ELAPOR1: variants seen among roughly 807,000 people sequenced by gnomAD.
The protein encoded by ELAPOR1 is endosome-lysosome associated apoptosis and autophagy regulator 1.
Under a neutral mutation model 119.7 loss-of-function variants are expected in ELAPOR1, and 77 were observed. The observed-to-expected ratio is 0.64, with a 90% CI of 0.54 to 0.78. The LOEUF (loss-of-function observed/expected upper bound fraction) is 0.78, where lower values mean the gene tolerates loss of function less well. Ranked by LOEUF, ELAPOR1 falls within the 30% of genes least tolerant of loss-of-function variation. The pLI, the probability that ELAPOR1 is intolerant of heterozygous loss-of-function variation, is 0.00. For missense variants in ELAPOR1, 1,115 were observed against 1,270.4 expected (o/e 0.88, Z 1.86); for synonymous variants, 481 against 487.2 (o/e 0.99, Z 0.17).
intron 1 of ELAPOR1, 199 bp from the exon 2 acceptor site, chr1:109,161,695 A>G (rs1014263754): frequency 9.7e-6 from 5 of 514,692 alleles, no homozygotes; most frequent in African/African-American, 1.9e-5. Flanking sequence ...GGACTAGACC[A>G]TGGCTGGGTG....
intron 1 of ELAPOR1, among the ~76,000 whole-genome samples, chr1:109,143,908 G>C (rs1186466159): frequency 6.6e-6 from 1 of 151,338 alleles, no homozygotes; most frequent in Non-Finnish European, 1.5e-5. Flanking sequence ...CAATCCACCC[G>C]CCTCAGCTTC....
Position 109,164,516 on chromosome 1 carries a change from G to C in ELAPOR1, c.292G>C (p.Gly98Arg). 1 of 1,611,622 alleles carries C rather than the reference G, an allele frequency of 6.2e-7. No individual in the cohort carries two copies. The highest frequency in any genetic ancestry group is 8.5e-7 in the Non-Finnish European group (1 of 1,178,070). Residue 98 changes from glycine to arginine, a missense_variant, in exon 3 of 22, where the codon GGG (glycine) becomes CGG (arginine). Transcript: ENST00000369939. Reference sequence around the variant, plus strand: ...TTTTCCAGCCTTCTCCTGCAACGCCGGGGAGTTTCTGGATATGAAGGACCA... The same window carrying C: ...TTTTCCAGCCTTCTCCTGCAACGCCCGGGAGTTTCTGGATATGAAGGACCA... Reference protein sequence around the residue: ...GTECSFSCNAGEFLDMKDQSC... With the variant: ...GTECSFSCNAREFLDMKDQSC...
At chr1:109,118,900 C>CTTTTTTTTTTTTTTTT (rs777752743) in intron 1 of ELAPOR1, among the ~76,000 whole-genome samples, 10 of 128,210 alleles carry the variant, frequency 7.8e-5, no homozygotes, top group African/African-American at 1.6e-4. Flanking sequence ...TTTGGTTCTT[C>CTTTTTTTTTTTTTTTT]TTTTTTTTTT....
chr1:109,172,658 C>T lies in ELAPOR1; in HGVS notation c.696+90C>T, dbSNP rs948776310. 5 of 890,256 alleles carry T rather than the reference C, an allele frequency of 5.6e-6. No homozygotes were observed. The Admixed American group carries it at 6.2e-5, about 11-fold the overall frequency. 55.1% of individuals were successfully genotyped at this position (890,256 alleles called of 1,614,324 possible). ...AGTGCTTCCTCCCAGTCTGAGCCTC[C>T]ACCCCAATGTCCCTGGAGGGCAGGA... is the stretch of plus-strand genomic sequence containing the variant. On this transcript the variant is annotated intron_variant, in intron 5 of 21. Transcript: ENST00000369939.
chr1:109,165,026 C>A (rs2101045964), intron 3 of ELAPOR1, among the ~76,000 whole-genome samples: 1 of 152,354 alleles, frequency 6.6e-6, no homozygotes, highest in East Asian at 1.9e-4. Flanking sequence ...CACAGTGACT[C>A]ACCCCTGTAA....
intron 1 of ELAPOR1, among the ~76,000 whole-genome samples, chr1:109,125,948 G>T (rs1301756633): frequency 6.6e-6 from 1 of 152,190 alleles, no homozygotes; most frequent in Non-Finnish European, 1.5e-5. Context: ...AACCAGGAGT[G>T]AAGTGTTCCA....
intron 1 of ELAPOR1, among the ~76,000 whole-genome samples, chr1:109,118,597 C>G (rs567696455): frequency 6.6e-6 from 1 of 152,250 alleles, no homozygotes; most frequent in South Asian, 2.1e-4. Flanking sequence ...GGAAAGGCGT[C>G]TGTGTGAAAA....
intron 7 of ELAPOR1, among the ~76,000 whole-genome samples, chr1:109,174,413 T>TAAAAAAAAAA (rs59275691): frequency 3.3e-4 from 14 of 42,044 alleles, no homozygotes; most frequent in East Asian, 1.3e-3. Flanking sequence ...ACCCTGTCTC[T>TAAAAAAAAAA]AAAAAAAAAA....
intron 1 of ELAPOR1, among the ~76,000 whole-genome samples, chr1:109,161,261 T>C (rs796231772): frequency 7.9e-5 from 12 of 151,576 alleles, no homozygotes; most frequent in African/African-American, 2.9e-4. Context: ...AATACAAAAA[T>C]TAGCCTGGCG....
chr1:109,188,981 G>A (rs568338079), intron 9 of ELAPOR1, 85 bp from the exon 10 acceptor site: 2 of 1,544,382 alleles, frequency 1.3e-6, no homozygotes, highest in South Asian at 2.4e-5. Context: ...CGCTACTGTT[G>A]CAACTTGTCT....
At chr1:109,182,056 G>A (rs887343930) in intron 7 of ELAPOR1, among the ~76,000 whole-genome samples, 16 of 152,158 alleles carry the variant, frequency 1.1e-4, no homozygotes, top group Non-Finnish European at 2.2e-4. Context: ...TCCCGGCTGG[G>A]CATGGTGGCT....
At chr1:109,178,656 A>T (rs6688962) in intron 7 of ELAPOR1, among the ~76,000 whole-genome samples, 4 of 152,100 alleles carry the variant, frequency 2.6e-5, no homozygotes, top group East Asian at 3.9e-4. Context: ...GGGATAGGAG[A>T]GCTGGGTGTA....
At chr1:109,187,355 A>G (rs1225595427) in intron 8 of ELAPOR1, 1 of 985,560 alleles carries the variant, frequency 1.0e-6, no homozygotes, top group African/African-American at 1.7e-5. Flanking sequence ...GAGCAGGGGA[A>G]GGAGGAGCCC....
At chr1:109,116,571 C>A (rs527315116) in intron 1 of ELAPOR1, among the ~76,000 whole-genome samples, 2 of 152,160 alleles carry the variant, frequency 1.3e-5, no homozygotes, top group Admixed American at 6.5e-5. Flanking sequence ...AGAGAATAAA[C>A]CCATTATTAT....
intron 21 of ELAPOR1, among the ~76,000 whole-genome samples, chr1:109,202,138 A>G (rs1029662671): frequency 2.6e-5 from 4 of 152,056 alleles, no homozygotes; most frequent in Non-Finnish European, 5.9e-5. Flanking sequence ...ATTGAGACGG[A>G]GTGTTGCTCT....
Position 109,164,523 on chromosome 1 carries a change from TTCTGG to T in ELAPOR1, c.300_304del (p.Phe100LeufsTer8), listed in dbSNP as rs1274087359. 2 of 1,613,048 alleles carry T rather than the reference TTCTGG, an allele frequency of 1.2e-6. No individual in the cohort carries two copies. The highest frequency in any genetic ancestry group is 1.7e-6 in the Non-Finnish European group (2 of 1,179,240). ...GCCTTCTCCTGCAACGCCGGGGAGT[TTCTGG>T]ATATGAAGGACCAGTCATGTAAGCC... On this transcript the variant is annotated frameshift_variant, in exon 3 of 22. Transcript: ENST00000369939. LOFTEE classifies it high-confidence loss of function.
chr1:109,199,428 C>T (rs921721396), intron 18 of ELAPOR1, among the ~76,000 whole-genome samples: 2 of 152,202 alleles, frequency 1.3e-5, no homozygotes, highest in Non-Finnish European at 2.9e-5. Flanking sequence ...CAGTAAAGTA[C>T]ATAACAGGTA....
Position 109,173,752 on chromosome 1 carries a change from C to T in ELAPOR1, c.867C>T (p.Ser289=). 6.2e-7 allele frequency: 1 copy of T among 1,614,166 alleles called. No homozygotes were observed. The highest frequency in any genetic ancestry group is 8.5e-7 in the Non-Finnish European group (1 of 1,180,018). ...KPGTYADKQG[S]SFCKLCPANS... is the part of the protein sequence containing the mutation. The stretch of plus-strand genomic sequence containing the variant: ...GCACGTATGCAGACAAGCAGGGCTC[C>T]TCTTTCTGCAAACTTTGCCCAGCCA... The change falls in exon 7 of 22, where the codon TCC becomes TCT. Residue 289 remains serine (S), a synonymous_variant. Transcript: ENST00000369939.
intron 1 of ELAPOR1, among the ~76,000 whole-genome samples, chr1:109,140,074 A>G (rs1312265674): frequency 6.6e-6 from 1 of 150,460 alleles, no homozygotes; most frequent in Non-Finnish European, 1.5e-5. Flanking sequence ...TGTATTCATA[A>G]CATTCTTATT....
Sources: gnomAD v4.1 joint callset for allele counts (sites outside exome capture counted in the v4.1 genomes callset) on GRCh38, gnomAD v4.1.1 for gene constraint, MANE v1.5 for transcripts, NCBI Gene and HGNC (gene_info 2026-07-23, HGNC 2026-07-21) for gene names.